CCDC7: variants seen among roughly 807,000 people sequenced by gnomAD.
CCDC7 encodes the protein coiled-coil domain containing 7, also known as coiled-coil domain-containing protein 7.
Under a neutral mutation model 196.9 loss-of-function variants are expected in CCDC7, and 183 were observed. The observed-to-expected ratio is 0.93, with a 90% confidence interval of 0.82 to 1.05. The LOEUF is 1.05. Ranked by LOEUF, CCDC7 falls within the 50% of genes least tolerant of loss-of-function variation. The pLI is 0.00. For missense variants in CCDC7, 1,540 were observed against 1,482.2 expected (o/e 1.04, Z -0.64); for synonymous variants, 525 against 484.6 (o/e 1.08, Z -1.10).
At chr10:32,857,879 TC>T (rs2136394521) in intron 41 of CCDC7, among the ~76,000 whole-genome samples, 1 of 149,442 alleles carries the variant, frequency 6.7e-6, no homozygotes. Flanking sequence ...ATAGACAAAA[TC>T]CTTGCTAGGC....
chr10:32,683,275 C>T (rs1427250552), intron 21 of CCDC7, among the ~76,000 whole-genome samples: 1 of 152,132 alleles, frequency 6.6e-6, no homozygotes, highest in African/African-American at 2.4e-5. Context: ...GCTTGGTTTG[C>T]CAGCTTTGTC....
intron 20 of CCDC7, among the ~76,000 whole-genome samples, chr10:32,641,022 G>A (rs1053271729): frequency 3.9e-5 from 6 of 152,098 alleles, no homozygotes; most frequent in South Asian, 2.1e-4. Context: ...CGAGAGATCC[G>A]CTGTTACTCT....
At chr10:32,462,155 A>G (rs771223629) in intron 3 of CCDC7, among the ~76,000 whole-genome samples, 58 of 152,108 alleles carry the variant, frequency 3.8e-4, no homozygotes, top group Non-Finnish European at 5.4e-4. Flanking sequence ...AGGGCCAGGC[A>G]TGATGGCTCA....
At chr10:32,537,710 T>C (rs1164175149) in intron 11 of CCDC7, among the ~76,000 whole-genome samples, 1 of 152,202 alleles carries the variant, frequency 6.6e-6, no homozygotes, top group Non-Finnish European at 1.5e-5. Flanking sequence ...CTTCTGCATA[T>C]GGCTGGCCAG....
intron 11 of CCDC7, among the ~76,000 whole-genome samples, chr10:32,535,515 A>T (rs2050333219): frequency 6.6e-6 from 1 of 152,102 alleles, no homozygotes. Context: ...GGGTGCTTAC[A>T]GGTCATAGAT....
intron 18 of CCDC7, among the ~76,000 whole-genome samples, chr10:32,612,700 T>C (rs1225421046): frequency 6.6e-6 from 1 of 152,226 alleles, no homozygotes; most frequent in Non-Finnish European, 1.5e-5. Context: ...CTGGTTCTGT[T>C]TATGTGATGG....
At chr10:32,553,885 C>T (rs1287672907) in intron 13 of CCDC7, among the ~76,000 whole-genome samples, 1 of 152,136 alleles carries the variant, frequency 6.6e-6, no homozygotes, top group Non-Finnish European at 1.5e-5. Context: ...CTAGAACTCC[C>T]AAGATTATGT....
In CCDC7 at chr10:32,760,765, A is replaced by T. The variant is rs112006017; in HGVS notation, c.2906-18212A>T. ...TATAATAATAATAAAATTAAAAAAA[A>T]AAGATATTACAAAAAAAAAGAACAC... is the stretch of plus-strand genomic sequence containing the variant. On this transcript the variant is annotated intron_variant, in intron 28 of 41. Coordinates refer to ENST00000639629, the Ensembl canonical transcript of CCDC7. 8.1e-3 allele frequency among the ~76,000 whole-genome samples: 1,220 copies of T among 150,188 alleles called. 7 individuals carry two copies. The highest frequency in any genetic ancestry group is 0.02 in the South Asian group (89 of 4,518).
At chr10:32,633,696 ATGTGTGTGTGTG>A (rs1554928040) in intron 18 of CCDC7, among the ~76,000 whole-genome samples, 5 of 135,230 alleles carry the variant, frequency 3.7e-5, no homozygotes, top group East Asian at 4.5e-4. Context: ...ATATATATAT[ATGTGTGTGTGTG>A]TGTGTGTGTG....
intron 14 of CCDC7, 108 bp downstream of exon 15, chr10:32,565,728 T>G: frequency 8.3e-7 from 1 of 1,208,600 alleles, no homozygotes; most frequent in South Asian, 1.9e-5. Flanking sequence ...GTCTACATAT[T>G]CTACTATTTG....
At chr10:32,562,989 G>C (rs1564660517) in intron 13 of CCDC7, among the ~76,000 whole-genome samples, 1 of 152,076 alleles carries the variant, frequency 6.6e-6, no homozygotes. Flanking sequence ...AAAAATCACA[G>C]GCATTCTTAT....
intron 28 of CCDC7, among the ~76,000 whole-genome samples, chr10:32,744,752 C>T (rs892336836): frequency 6.6e-6 from 1 of 152,128 alleles, no homozygotes; most frequent in African/African-American, 2.4e-5. Context: ...AATGTAATTT[C>T]CCAACCTGTG....
chr10:32,486,164 T>A, intron 8 of CCDC7, among the ~76,000 whole-genome samples: 1 of 152,218 alleles, frequency 6.6e-6, no homozygotes, highest in Non-Finnish European at 1.5e-5. Flanking sequence ...GGACTTGCTT[T>A]ATGAATCTGG....
intron 13 of CCDC7, among the ~76,000 whole-genome samples, chr10:32,562,753 C>A (rs1338140173): frequency 6.6e-6 from 1 of 151,912 alleles, no homozygotes. Context: ...CAGGGATGCC[C>A]TCTCTCACCA....
At chr10:32,868,369 G>A (rs920876680) in intron 41 of CCDC7, among the ~76,000 whole-genome samples, 1 of 151,892 alleles carries the variant, frequency 6.6e-6, no homozygotes, top group Admixed American at 6.6e-5. Flanking sequence ...ATTTTCCTCT[G>A]TATCTACTCA....
At chr10:32,695,042 T>C in intron 24 of CCDC7, 50 bp downstream of exon 25, 1 of 988,812 alleles carries the variant, frequency 1.0e-6, no homozygotes. Flanking sequence ...TTAATCTCAT[T>C]AGATCATTTT....
chr10:32,725,816 G>GC (rs139779701), intron 25 of CCDC7, among the ~76,000 whole-genome samples: 16,022 of 152,050 alleles, frequency 0.11, 1,039 homozygotes, highest in South Asian at 0.25. Context: ...TGAAGGATCT[G>GC]CCCCCATGAC....
intron 32 of CCDC7, among the ~76,000 whole-genome samples, chr10:32,829,976 T>C (rs1351230956): frequency 1.3e-5 from 2 of 151,174 alleles, no homozygotes; most frequent in South Asian, 2.1e-4. Flanking sequence ...CCCTCAAACA[T>C]TGGACTCCAG....
intron 41 of CCDC7, among the ~76,000 whole-genome samples, chr10:32,863,218 C>T (rs1280791867): frequency 6.6e-6 from 1 of 151,938 alleles, no homozygotes; most frequent in East Asian, 1.9e-4. Flanking sequence ...AAGGTAAAAA[C>T]AATTGGAGGC....
Sources: allele counts gnomAD v4.1 joint callset (sites outside exome capture counted in the v4.1 genomes callset), GRCh38; gene constraint gnomAD v4.1.1; transcripts MANE v1.5; gene names NCBI Gene and HGNC (gene_info 2026-07-23, HGNC 2026-07-21).